TAFA4: variants seen among roughly 807,000 people sequenced by gnomAD.
The protein encoded by TAFA4 is TAFA chemokine like family member 4.
Under a neutral mutation model 21.1 loss-of-function variants are expected in TAFA4, and 20 were observed. The ratio of observed to expected loss-of-function variants is 0.95; its 90% CI spans 0.67 to 1.38. The LOEUF (loss-of-function observed/expected upper bound fraction) is 1.38, where lower values mean the gene tolerates loss of function less well. TAFA4 is among the 40% of genes most tolerant of loss of function. The pLI, the probability that TAFA4 is intolerant of heterozygous loss-of-function variation, is 0.00. For synonymous variants in TAFA4, 71 were observed against 67.4 expected (o/e 1.05, Z -0.26); for missense variants, 211 against 180.9 (o/e 1.17, Z -0.95).
intron 1 of TAFA4, among the ~76,000 whole-genome samples, chr3:68,887,176 G>T (rs2089681462): frequency 6.6e-6 from 1 of 152,196 alleles, no homozygotes; most frequent in Non-Finnish European, 1.5e-5. Flanking sequence ...CCAAAAGGGA[G>T]AAATAGAAAA....
intron 3 of TAFA4, among the ~76,000 whole-genome samples, chr3:68,863,096 G>A (rs2089368886): frequency 6.6e-6 from 1 of 150,496 alleles, no homozygotes; most frequent in African/African-American, 2.4e-5. Context: ...AAATTAGCCA[G>A]ACATGGTGGT....
chr3:68,872,698 A>G (rs1350887724), intron 3 of TAFA4, among the ~76,000 whole-genome samples: 1 of 152,150 alleles, frequency 6.6e-6, no homozygotes, highest in Non-Finnish European at 1.5e-5. Flanking sequence ...TAGCAATAAT[A>G]AATAAGAAAA....
chr3:68,758,605 TC>T (rs1702703827), intron 3 of TAFA4, among the ~76,000 whole-genome samples: 1 of 152,230 alleles, frequency 6.6e-6, no homozygotes, highest in Admixed American at 6.5e-5. Context: ...TTACCTAGTT[TC>T]CTTCATAAAT....
chr3:68,893,718 C>T (rs1575661383), intron 1 of TAFA4, among the ~76,000 whole-genome samples: 3 of 152,282 alleles, frequency 2.0e-5, no homozygotes, highest in African/African-American at 2.4e-5. Flanking sequence ...CAAAGCCCGT[C>T]GCAGACAATA....
chr3:68,757,760 A>C (rs1035506072), intron 3 of TAFA4, among the ~76,000 whole-genome samples: 1 of 152,346 alleles, frequency 6.6e-6, no homozygotes, highest in East Asian at 1.9e-4. Flanking sequence ...TTTAAGATAC[A>C]TATTTTTTTC....
intron 4 of TAFA4, among the ~76,000 whole-genome samples, chr3:68,744,682 G>A (rs9683308): frequency 0.22 from 33,381 of 151,944 alleles, 4,581 homozygotes; most frequent in East Asian, 0.63. Flanking sequence ...TGACGGATCC[G>A]GATGTATATC....
chr3:68,787,464 A>C lies in TAFA4; in HGVS notation c.131-34446T>G, dbSNP rs1703281430. Among the ~76,000 whole-genome samples, 3 of 152,200 alleles carry C rather than the reference A, an allele frequency of 2.0e-5. No individual in the cohort carries two copies. In the South Asian group the frequency reaches 6.2e-4, roughly 32 times the overall value. ...TAATTATATCACCAGGCTGTGGAGA[A>C]AGCTGTGCTAAATATAATAAGCCTC... On this transcript the variant is annotated intron_variant, in intron 3 of 5. Coordinates refer to ENST00000295569, the MANE Select transcript of TAFA4 (RefSeq NM_182522.5).
In TAFA4 at chr3:68,732,463, G is replaced by GCACT. The variant is rs1488904565; in HGVS notation, c.*675_*678dup. 7.2e-5 allele frequency: 11 copies of GCACT among 152,268 alleles called. No homozygotes were observed. Among genetic ancestry groups the GCACT allele is most frequent in the African/African-American group, 2.7e-4 (11 of 41,328 alleles). The allele number at this position is 152,268 out of a possible 1,614,324, so 9.4% of individuals were successfully genotyped here. On this transcript the variant is annotated 3_prime_UTR_variant, in exon 6 of 6. Transcript: ENST00000295569. ...ATATTGGAATTGATATGCTTCCTTA[G>GCACT]CACTCAGTAAAATGGTACATTGAAG...
At chr3:68,768,031 A>G (rs956827740) in intron 3 of TAFA4, among the ~76,000 whole-genome samples, 2 of 152,164 alleles carry the variant, frequency 1.3e-5, no homozygotes, top group African/African-American at 2.4e-5. Flanking sequence ...ACAACTTGTT[A>G]TAAGAATACT....
At chr3:68,909,640 TG>T (rs1429150108) in intron 1 of TAFA4, among the ~76,000 whole-genome samples, 1 of 152,250 alleles carries the variant, frequency 6.6e-6, no homozygotes, top group Admixed American at 6.5e-5. Context: ...CTGGACTAAA[TG>T]GCCTTTAAGT....
chr3:68,914,342 AAGGACCAATC>A (rs1209285026), intron 1 of TAFA4, among the ~76,000 whole-genome samples: 1 of 152,172 alleles, frequency 6.6e-6, no homozygotes, highest in Non-Finnish European at 1.5e-5. Context: ...GAGGGTTACA[AAGGACCAATC>A]TGGGTGCTGG....
intron 3 of TAFA4, among the ~76,000 whole-genome samples, chr3:68,870,623 G>A (rs1195022907): frequency 1.3e-5 from 2 of 151,996 alleles, no homozygotes; most frequent in South Asian, 2.1e-4. Flanking sequence ...AGAATGTGCA[G>A]GTTTGTTACA....
chr3:68,768,220 G>A (rs1702891846), intron 3 of TAFA4, among the ~76,000 whole-genome samples: 3 of 151,952 alleles, frequency 2.0e-5, no homozygotes, highest in Admixed American at 6.6e-5. Context: ...TCTGATAAGG[G>A]GTAAGATCCA....
chr3:68,850,700 T>G (rs1230907060), intron 3 of TAFA4, among the ~76,000 whole-genome samples: 1 of 151,646 alleles, frequency 6.6e-6, no homozygotes, highest in African/African-American at 2.4e-5. Flanking sequence ...TTTTGAGAAG[T>G]GTTCGTGTCC....
chr3:68,868,328 A>G (rs553179634), intron 3 of TAFA4, among the ~76,000 whole-genome samples: 3 of 152,062 alleles, frequency 2.0e-5, no homozygotes, highest in African/African-American at 7.2e-5. Flanking sequence ...CCAAATATAT[A>G]TATAATGTAC....
intron 3 of TAFA4, among the ~76,000 whole-genome samples, chr3:68,807,922 C>A (rs2106838536): frequency 6.6e-6 from 1 of 152,284 alleles, no homozygotes; most frequent in Non-Finnish European, 1.5e-5. Context: ...CATGCCAGAG[C>A]ATCTACATAT....
At chr3:68,891,481 G>A (rs1202672127) in intron 1 of TAFA4, among the ~76,000 whole-genome samples, 5 of 152,104 alleles carry the variant, frequency 3.3e-5, no homozygotes, top group African/African-American at 7.2e-5. Context: ...CTGACCTCCC[G>A]GGCTGGGATC....
intron 3 of TAFA4, among the ~76,000 whole-genome samples, chr3:68,801,077 C>A (rs1703569330): frequency 6.6e-6 from 1 of 152,186 alleles, no homozygotes; most frequent in Non-Finnish European, 1.5e-5. Flanking sequence ...TCCCTCCAGA[C>A]TCCAGAATTT....
At chr3:68,787,320 G>T (rs978054592) in intron 3 of TAFA4, among the ~76,000 whole-genome samples, 4 of 152,146 alleles carry the variant, frequency 2.6e-5, no homozygotes, top group African/African-American at 7.2e-5. Context: ...ACTCCCAGCT[G>T]TTCATCCATT....
Sources: gnomAD v4.1 joint callset for allele counts (sites outside exome capture counted in the v4.1 genomes callset) on GRCh38, gnomAD v4.1.1 for gene constraint, MANE v1.5 for transcripts, NCBI Gene and HGNC (gene_info 2026-07-23, HGNC 2026-07-21) for gene names.